Variants in CLEC16A observed in about 807,000 individuals in gnomAD.
The protein encoded by CLEC16A is C-type lectin domain containing 16A, also known as protein CLEC16A.
Under a neutral mutation model 109.5 loss-of-function variants are expected in CLEC16A, and 51 were observed. The ratio of observed to expected loss-of-function variants is 0.47; its 90% CI spans 0.37 to 0.59. The LOEUF (loss-of-function observed/expected upper bound fraction) is 0.59. Among genes scored for constraint, CLEC16A ranks in the 20% least tolerant of loss-of-function variants. The pLI, the probability that CLEC16A is intolerant of heterozygous loss-of-function variation, is 0.00. For missense variants in CLEC16A, 1,339 were observed against 1,394.0 expected, an observed-to-expected ratio of 0.96 and a Z score of 0.63; for synonymous variants, 673 against 564.2, an observed-to-expected ratio of 1.19 and a Z score of -2.73.
chr16:11,041,613 A>G (rs2047340341), intron 14 of CLEC16A: 1 of 152,402 alleles, frequency 6.6e-6, no homozygotes, highest in South Asian at 2.1e-4. Flanking sequence ...TGATATTTGT[A>G]GAATACTTTA....
intron 19 of CLEC16A, among the ~76,000 whole-genome samples, chr16:11,119,736 CT>C (rs371501926): frequency 3.9e-5 from 6 of 152,126 alleles, no homozygotes; most frequent in East Asian, 1.9e-4. Context: ...TCTTTGGGCT[CT>C]TTTTTGGTGC....
intron 13 of CLEC16A, chr16:11,027,239 A>G (rs1043812901): frequency 3.3e-6 from 5 of 1,531,182 alleles, no homozygotes; most frequent in Non-Finnish European, 4.5e-6. Context: ...TCAGACGACT[A>G]GAAGTGAAAC....
intron 16 of CLEC16A, among the ~76,000 whole-genome samples, chr16:11,045,835 A>C (rs544707674): frequency 1.3e-5 from 2 of 152,274 alleles, no homozygotes; most frequent in African/African-American, 4.8e-5. Flanking sequence ...TCTTTGCAGG[A>C]ATCGTTTTAA....
At position 11,166,451 on chromosome 16, in the gene CLEC16A, C is replaced by T. The variant is rs779597272; in HGVS notation, c.2705C>T (p.Pro902Leu). The T allele has an allele frequency of 2.5e-5, 40 of 1,607,778 alleles. No individual in the cohort carries two copies. The highest frequency in any genetic ancestry group is 3.3e-5 in the Non-Finnish European group (39 of 1,179,784). ...CCGTCCCTGTCCTCACAGTCGCCAC[C>T]CTCCGCCAGCGGGAGCCCCAGCGGC... is the stretch of plus-strand genomic sequence containing the variant. The part of the protein sequence containing the change: ...SSPSLSSQSP[P>L]SASGSPSGSG... The change falls in exon 23 of 24, where the codon CCC (proline) becomes CTC (leucine). Residue 902 changes from proline (P) to leucine (L), a missense_variant. Coordinates refer to ENST00000409790, the MANE Select transcript of CLEC16A (RefSeq NM_015226.3).
intron 7 of CLEC16A, among the ~76,000 whole-genome samples, chr16:10,974,928 CAGG>C (rs2042965612): frequency 6.6e-6 from 1 of 152,224 alleles, no homozygotes; most frequent in Admixed American, 6.5e-5. Context: ...TCTGTCATAA[CAGG>C]AGGTCAATAG....
intron 19 of CLEC16A, among the ~76,000 whole-genome samples, chr16:11,099,324 A>C (rs1020965971): frequency 3.3e-5 from 5 of 152,256 alleles, no homozygotes; most frequent in Non-Finnish European, 7.3e-5. Context: ...CACGGTAGCC[A>C]CTTGTGGCTG....
chr16:11,038,901 C>T (rs1414508494), intron 13 of CLEC16A, among the ~76,000 whole-genome samples: 2 of 152,168 alleles, frequency 1.3e-5, no homozygotes, highest in Admixed American at 1.3e-4. Context: ...GCAGGCGTGG[C>T]CTCTGCCTCA....
In CLEC16A at chr16:11,158,720, C is replaced by T. The variant is rs1207052623; in HGVS notation, c.2642-7668C>T. On this transcript the variant is annotated intron_variant, in intron 22 of 23. Coordinates refer to ENST00000409790, the MANE Select transcript of CLEC16A (RefSeq NM_015226.3). ...AGAGGATCACTTTAGGTCAGGAGTT[C>T]GAGGCCAGCCTGCCCAACTTGGTGA... Among the ~76,000 whole-genome samples the T allele has an allele frequency of 4.0e-5, 6 of 151,822 alleles. No homozygotes were observed. In the East Asian group the frequency reaches 1.2e-3, roughly 29 times the overall value.
intron 19 of CLEC16A, among the ~76,000 whole-genome samples, chr16:11,107,498 G>C (rs553783998): frequency 6.6e-6 from 1 of 152,264 alleles, no homozygotes; most frequent in East Asian, 1.9e-4. Flanking sequence ...TGATTTGACT[G>C]TCAGGAGAAG....
intron 14 of CLEC16A, 154 bp downstream of exon 14, chr16:11,040,030 G>A (rs889109512): frequency 2.2e-6 from 2 of 913,194 alleles, no homozygotes; most frequent in Non-Finnish European, 3.1e-6. Context: ...TGCATCCTGG[G>A]CCAGCCCTCC....
intron 13 of CLEC16A, among the ~76,000 whole-genome samples, chr16:11,030,206 G>A (rs1567217835): frequency 6.6e-6 from 1 of 152,210 alleles, no homozygotes; most frequent in Non-Finnish European, 1.5e-5. Flanking sequence ...CCCATACAAT[G>A]TATGCCCATA....
At chr16:11,149,114 G>T (rs2054190066) in intron 22 of CLEC16A, among the ~76,000 whole-genome samples, 1 of 152,200 alleles carries the variant, frequency 6.6e-6, no homozygotes, top group Non-Finnish European at 1.5e-5. Context: ...GTTAGCAGAG[G>T]CCAGGGGAGG....
chr16:11,051,331 GGCATATT>G (rs2047928857), intron 17 of CLEC16A, among the ~76,000 whole-genome samples, 175 bp from the exon 18 acceptor site: 1 of 152,176 alleles, frequency 6.6e-6, no homozygotes, highest in African/African-American at 2.4e-5. Flanking sequence ...AAAACCAAAA[GGCATATT>G]GCTCCCTTAT....
At chr16:11,145,903 C>T (rs1260163554) in intron 22 of CLEC16A, among the ~76,000 whole-genome samples, 2 of 152,212 alleles carry the variant, frequency 1.3e-5, no homozygotes, top group Non-Finnish European at 2.9e-5. Flanking sequence ...CTCACGGTAG[C>T]CCCACGTTTT....
Position 11,120,024 on chromosome 16 carries a change from G to A in CLEC16A, c.2117-591G>A, listed in dbSNP as rs551985491. ...TTGCTCTTATTGCCCAGGTTGGAGTGCAGAGCGCGATCTTGGCTCACTGCA... is the reference window on the plus strand; with the variant it reads ...TTGCTCTTATTGCCCAGGTTGGAGTACAGAGCGCGATCTTGGCTCACTGCA... On this transcript the variant is annotated intron_variant, in intron 19 of 23. Coordinates refer to ENST00000409790, the MANE Select transcript of CLEC16A (RefSeq NM_015226.3). Among the ~76,000 whole-genome samples, 5 of 152,282 alleles carry A rather than the reference G, an allele frequency of 3.3e-5. No individual in the cohort carries two copies. The South Asian group carries it at 1.0e-3, about 32-fold the overall frequency.
At chr16:11,167,307 C>T (rs2068307750) in intron 23 of CLEC16A, among the ~76,000 whole-genome samples, 2 of 152,162 alleles carry the variant, frequency 1.3e-5, no homozygotes, top group South Asian at 4.1e-4. Context: ...AGCAGCATCC[C>T]CCCGCCATGG....
At chr16:10,973,888 T>C (rs985094299) in intron 7 of CLEC16A, among the ~76,000 whole-genome samples, 9 of 41,410 alleles carry the variant, frequency 2.2e-4, no homozygotes, top group African/African-American at 1.1e-4. Context: ...GGCTGCTTGC[T>C]TTTTTTTTTT....
chr16:11,162,084 T>C (rs962370776), intron 22 of CLEC16A, among the ~76,000 whole-genome samples: 6 of 152,190 alleles, frequency 3.9e-5, no homozygotes, highest in Non-Finnish European at 7.3e-5. Flanking sequence ...GGCCTAAAAA[T>C]AGAAGACTGA....
intron 11 of CLEC16A, among the ~76,000 whole-genome samples, chr16:11,006,810 C>A (rs1166230448): frequency 3.3e-5 from 5 of 152,126 alleles, no homozygotes; most frequent in Non-Finnish European, 7.4e-5. Context: ...AATGTGCACC[C>A]CTAACCCATC....
Sources: gnomAD v4.1 joint callset for allele counts (sites outside exome capture counted in the v4.1 genomes callset) on GRCh38, gnomAD v4.1.1 for gene constraint, MANE v1.5 for transcripts, NCBI Gene and HGNC (gene_info 2026-07-23, HGNC 2026-07-21) for gene names.